SYNE2: variants seen among roughly 807,000 people sequenced by gnomAD.
The protein encoded by SYNE2 is nesprin-2.
Under a neutral mutation model 856.3 loss-of-function variants are expected in SYNE2, and 431 were observed. That is an observed-to-expected ratio of 0.50 (90% CI 0.47 to 0.55). The LOEUF is 0.55. Among genes scored for constraint, SYNE2 ranks in the 20% least tolerant of loss-of-function variants. The pLI, the probability that SYNE2 is intolerant of heterozygous loss-of-function variation, is 0.00. For synonymous variants in SYNE2, 2,923 were observed against 2,872.3 expected (o/e 1.02, Z -0.56); for missense variants, 8,129 against 8,023.2 (o/e 1.01, Z -0.50).
intron 1 of SYNE2, among the ~76,000 whole-genome samples, chr14:63,867,153 C>T (rs1437039836): frequency 6.6e-6 from 1 of 152,096 alleles, no homozygotes; most frequent in East Asian, 1.9e-4. Flanking sequence ...GAACACAAGT[C>T]TGTTGGGCTC....
In SYNE2 at chr14:63,788,726, C is replaced by T. The variant is rs184394893; in HGVS notation, c.-305+26740C>T. Among the ~76,000 whole-genome samples the T allele has an allele frequency of 9.1e-4, 138 of 152,344 alleles. 1 individual carries two copies. Among genetic ancestry groups the T allele is most frequent in the Non-Finnish European group, 7.5e-4 (51 of 68,036 alleles). ...CCAGCCGCACCTCCCCACTGCCTGG[C>T]TTATTTCACTTAACATAATGTTCGT... On this transcript the variant is annotated intron_variant, in intron 1 of 23. Transcript: ENST00000674003.
At chr14:63,983,635 TA>T in intron 17 of SYNE2, 101 bp from the exon 18 acceptor site, 1 of 1,011,172 alleles carries the variant, frequency 9.9e-7, no homozygotes, top group Non-Finnish European at 1.5e-6. Context: ...AGTTTAATCC[TA>T]AACATATATT....
At position 64,003,142 on chromosome 14, in the gene SYNE2, T is replaced by A; in HGVS notation, c.4209T>A (p.Leu1403=). The part of the protein sequence containing the change: ...RGDDTSCENL[L]DAFSIKLSET... ...ATGACACCTCCTGTGAAAACCTGCT[T>A]GATGCTTTTTCAATAAAGTTATCTG... is the stretch of plus-strand genomic sequence containing the variant. Residue 1403 remains leucine, a synonymous_variant, in exon 30 of 116, where the codon CTT becomes CTA. Coordinates refer to ENST00000555002, the MANE Select transcript of SYNE2 (RefSeq NM_182914.3). 1 of 1,614,158 alleles carries A rather than the reference T, an allele frequency of 6.2e-7. No individual in the cohort carries two copies. Among genetic ancestry groups the A allele is most frequent in the Non-Finnish European group, 8.5e-7 (1 of 1,179,996 alleles).
At chr14:64,103,544 A>G (rs2097751794) in intron 64 of SYNE2, among the ~76,000 whole-genome samples, 1 of 152,118 alleles carries the variant, frequency 6.6e-6, no homozygotes, top group Non-Finnish European at 1.5e-5. Flanking sequence ...CTCGTGATCC[A>G]TAAACCTCTC....
intron 51 of SYNE2, among the ~76,000 whole-genome samples, chr14:64,070,405 G>A (rs1448999010): frequency 6.6e-6 from 1 of 152,164 alleles, no homozygotes; most frequent in Non-Finnish European, 1.5e-5. Flanking sequence ...ATATTCAACA[G>A]CATTTCCTTC....
chr14:64,172,591 C>G (rs780730430), intron 94 of SYNE2, among the ~76,000 whole-genome samples: 3 of 152,114 alleles, frequency 2.0e-5, no homozygotes, highest in Non-Finnish European at 1.5e-5. Flanking sequence ...TTCTGCCACA[C>G]TCTAACAATG....
At chr14:63,927,785 G>A (rs773705901) in intron 2 of SYNE2, among the ~76,000 whole-genome samples, 9 of 151,850 alleles carry the variant, frequency 5.9e-5, no homozygotes, top group Non-Finnish European at 1.2e-4. Context: ...CCAGCTACTC[G>A]GGAGCCTGAG....
intron 2 of SYNE2, among the ~76,000 whole-genome samples, chr14:63,930,662 G>A (rs1301097653): frequency 6.6e-6 from 1 of 151,570 alleles, no homozygotes; most frequent in Admixed American, 6.6e-5. Context: ...AGCCTCCCAA[G>A]TAGCTGGGAT....
intron 46 of SYNE2, chr14:64,049,336 A>G (rs974642364): frequency 6.1e-6 from 1 of 163,402 alleles, no homozygotes; most frequent in Non-Finnish European, 1.3e-5. Flanking sequence ...CTGTAGTCCT[A>G]GCTACTTGGG....
rs752271328 is a variant in SYNE2, at chr14:64,221,561, G to A, written c.20062-15G>A. The A allele has an allele frequency of 1.7e-5, 28 of 1,614,116 alleles. No individual in the cohort carries two copies. The East Asian group carries it at 5.6e-4, about 32-fold the overall frequency. ...CTCTAAGACACGGCCGCGCTCTGAT[G>A]TGTTGTTTTTTAAGGACTTCCACCA... On this transcript the variant is annotated splice_polypyrimidine_tract_variant and intron_variant, in intron 111 of 115. Transcript: ENST00000555002.
intron 45 of SYNE2, among the ~76,000 whole-genome samples, chr14:64,042,158 A>T (rs570159804): frequency 2.6e-5 from 4 of 152,208 alleles, no homozygotes; most frequent in African/African-American, 9.7e-5. Flanking sequence ...AATGAACTAG[A>T]TGTATAATCT....
rs1387768063 is a variant in SYNE2 at position 64,129,861 on chromosome 14, A to G, written c.14099A>G (p.His4700Arg). 6 of 1,614,168 alleles carry G rather than the reference A, an allele frequency of 3.7e-6. No homozygotes were observed. The highest frequency in any genetic ancestry group is 1.3e-5 in the African/African-American group (1 of 75,034). ...AKLRDEGERL[H>R]LPYALLQEVY... The stretch of plus-strand genomic sequence containing the variant: ...CTAAGAGATGAAGGGGAGAGGCTTC[A>G]TTTACCTTATGCTTTACTCCAGGAG... The change falls in exon 75 of 116, where the codon CAT (histidine) becomes CGT (arginine). Residue 4700 changes from histidine (H) to arginine (R), a missense_variant. Transcript: ENST00000555002.
chr14:64,194,184 C>G (rs1421936851), intron 99 of SYNE2, among the ~76,000 whole-genome samples: 1 of 152,192 alleles, frequency 6.6e-6, no homozygotes, highest in East Asian at 1.9e-4. Context: ...ATGTAGAACC[C>G]AAGTTGATTT....
chr14:63,865,924 C>G (rs558975529), intron 1 of SYNE2, among the ~76,000 whole-genome samples: 1 of 152,032 alleles, frequency 6.6e-6, no homozygotes, highest in South Asian at 2.1e-4. Flanking sequence ...ATAACACTTC[C>G]AACAACAAAA....
At chr14:63,911,013 A>C (rs1260322668) in intron 2 of SYNE2, among the ~76,000 whole-genome samples, 1 of 152,018 alleles carries the variant, frequency 6.6e-6, no homozygotes, top group Non-Finnish European at 1.5e-5. Context: ...GCTCCCTATC[A>C]CATGTGGGAT....
In SYNE2 at chr14:63,978,986, C is replaced by A. The variant is rs759378392; in HGVS notation, c.1541C>A (p.Ser514Tyr). Residue 514 changes from serine (S) to tyrosine (Y), a missense_variant, in exon 14 of 116, where the codon TCT (serine) becomes TAT (tyrosine). Coordinates refer to ENST00000555002, the MANE Select transcript of SYNE2 (RefSeq NM_182914.3). ...AACATTAAATATGGGAGCAGAGAATCTGTGGAATTATTGCTGGAAGACTGG... is the reference window on the plus strand; with the variant it reads ...AACATTAAATATGGGAGCAGAGAATATGTGGAATTATTGCTGGAAGACTGG... ...IWNIKYGSRE[S>Y]VELLLEDWHK... 1 of 1,613,842 alleles carries A rather than the reference C, an allele frequency of 6.2e-7. No individual in the cohort carries two copies. Among genetic ancestry groups the A allele is most frequent in the Non-Finnish European group, 8.5e-7 (1 of 1,179,874 alleles).
chr14:64,004,380 G>A (rs1301628721), intron 30 of SYNE2, among the ~76,000 whole-genome samples: 5 of 151,730 alleles, frequency 3.3e-5, no homozygotes, highest in Non-Finnish European at 5.9e-5. Context: ...GCCCAGGCTT[G>A]GGTGCAGTGG....
At chr14:63,983,938 T>C (rs2096605448) in intron 18 of SYNE2, 52 bp downstream of exon 18, 1 of 1,349,590 alleles carries the variant, frequency 7.4e-7, no homozygotes, top group Non-Finnish European at 1.0e-6. Context: ...ATAATTTAAC[T>C]TTGCTATTAA....
intron 100 of SYNE2, among the ~76,000 whole-genome samples, chr14:64,204,723 G>A (rs1016739628): frequency 2.6e-5 from 4 of 152,006 alleles, no homozygotes; most frequent in African/African-American, 9.7e-5. Flanking sequence ...TGGTGTTCAG[G>A]ACTACCATTA....
Sources: allele counts gnomAD v4.1 joint callset (sites outside exome capture counted in the v4.1 genomes callset), GRCh38; gene constraint gnomAD v4.1.1; transcripts MANE v1.5; gene names NCBI Gene and HGNC (gene_info 2026-07-23, HGNC 2026-07-21).